PLB1: variants seen among roughly 807,000 people sequenced by gnomAD.
The protein encoded by PLB1 is phospholipase B1, membrane-associated.
In PLB1, 242 loss-of-function variants were observed where a neutral mutation model predicts 227.4. That is an observed-to-expected ratio of 1.06 (90% CI 0.96 to 1.18). PLB1 has a LOEUF of 1.18. PLB1 is among the 50% of genes most tolerant of loss of function. The probability of loss-of-function intolerance (pLI) is 0.00; values close to 1 mark genes in which losing one functional copy is unlikely to be tolerated. For missense variants in PLB1, 1,858 were observed against 1,816.3 expected (o/e 1.02, Z -0.42); for synonymous variants, 757 against 682.2 (o/e 1.11, Z -1.71).
At chr2:28,607,033 G>A (rs1281227592) in intron 43 of PLB1, among the ~76,000 whole-genome samples, 2 of 152,166 alleles carry the variant, frequency 1.3e-5, no homozygotes, top group African/African-American at 4.8e-5. Context: ...ACAGAGGACA[G>A]CAGCAAAGGG....
intron 9 of PLB1, among the ~76,000 whole-genome samples, chr2:28,533,411 T>C (rs1311103702): frequency 6.6e-6 from 1 of 152,198 alleles, no homozygotes; most frequent in East Asian, 1.9e-4. Flanking sequence ...ACAGCCCCCC[T>C]TTTTGGTCAT....
chr2:28,520,590 GAAATAACATCTCA>G (rs1553403071), intron 4 of PLB1, among the ~76,000 whole-genome samples: 4 of 152,172 alleles, frequency 2.6e-5, no homozygotes, highest in Non-Finnish European at 5.9e-5. Context: ...CTCTACCCAT[GAAATAACATCTCA>G]TTCTCCTCTT....
In PLB1 at chr2:28,620,983, G is replaced by C; in HGVS notation, c.3527+5G>C. 1 of 1,605,602 alleles carries C rather than the reference G, an allele frequency of 6.2e-7. No individual in the cohort carries two copies. The highest frequency in any genetic ancestry group is 8.5e-7 in the Non-Finnish European group (1 of 1,174,348). ...AGCGGAAGGGGCCAGAGCTAGGTGA[G>C]TAGATGCCGTACAGGAGGGCGAGTG... On this transcript the variant is annotated splice_donor_5th_base_variant and intron_variant, in intron 49 of 57. Coordinates refer to ENST00000327757, the MANE Select transcript of PLB1 (RefSeq NM_153021.5).
rs905101324 is a variant in PLB1, at chr2:28,601,811, G to A, written c.2608-88G>A. The A allele has an allele frequency of 5.2e-6, 6 of 1,158,152 alleles. No individual in the cohort carries two copies. The African/African-American group carries it at 9.2e-5, about 18-fold the overall frequency. 71.7% of individuals were successfully genotyped at this position (1,158,152 alleles called of 1,614,324 possible). On this transcript the variant is annotated intron_variant, in intron 37 of 57. Coordinates refer to ENST00000327757, the MANE Select transcript of PLB1 (RefSeq NM_153021.5). ...GCTAGAGGGGGAACAAGTCCTCAGG[G>A]CTGGAGCCAGAAGGGAAGTTGAGAA... is the stretch of plus-strand genomic sequence containing the variant.
chr2:28,581,821 T>G (rs910967656), intron 23 of PLB1, among the ~76,000 whole-genome samples: 3 of 151,874 alleles, frequency 2.0e-5, no homozygotes, highest in Non-Finnish European at 4.4e-5. Context: ...ATTAGCCAGG[T>G]GTGGTGGCAC....
At position 28,518,535 on chromosome 2, in the gene PLB1, A is replaced by T; in HGVS notation, c.184+3A>T. On this transcript the variant is annotated splice_donor_region_variant and intron_variant, in intron 3 of 57. Transcript: ENST00000327757. ...AGTGAATATGCCTTCTAAATCAGGT[A>T]TGTAACCCTTGGCCATGAGCAGGAA... is the stretch of plus-strand genomic sequence containing the variant. 6.2e-7 allele frequency: 1 copy of T among 1,608,422 alleles called. No individual in the cohort carries two copies. The highest frequency in any genetic ancestry group is 8.5e-7 in the Non-Finnish European group (1 of 1,174,812).
rs900311454 is a variant in PLB1, at chr2:28,603,988, A to C, written c.2797A>C (p.Thr933Pro). 14 of 1,613,948 alleles carry C rather than the reference A, an allele frequency of 8.7e-6. No homozygotes were observed. The highest frequency in any genetic ancestry group is 1.3e-5 in the African/African-American group (1 of 74,864). ...CAGCGTTTTGTGTAACTGCGTTCTG[A>C]CCCTGCGGGAGAACTCCCAAGAGCT... The part of the protein sequence containing the change: ...QASVLCNCVL[T>P]LRENSQELAR... Residue 933 changes from threonine (T) to proline (P), a missense_variant, in exon 40 of 58, where the codon ACC (threonine) becomes CCC (proline). Coordinates refer to ENST00000327757, the MANE Select transcript of PLB1 (RefSeq NM_153021.5).
Position 28,641,152 on chromosome 2 carries a change from C to A in PLB1, c.4173+151C>A, listed in dbSNP as rs1005301092. On this transcript the variant is annotated intron_variant, in intron 57 of 57. Transcript: ENST00000327757. The stretch of plus-strand genomic sequence containing the variant: ...TCTCAAATCCCACCTGTCCCCAGTG[C>A]CACGGAAACTTCTCAGTGTGTGGGC... 5 of 726,220 alleles carry A rather than the reference C, an allele frequency of 6.9e-6. No individual in the cohort carries two copies. The Admixed American group carries it at 1.6e-4, about 23-fold the overall frequency. 45.0% of individuals were successfully genotyped at this position (726,220 alleles called of 1,614,324 possible).
chr2:28,592,653 C>A lies in PLB1; in HGVS notation c.2189-8C>A. The A allele has an allele frequency of 6.2e-7, 1 of 1,614,170 alleles. No homozygotes were observed. Among genetic ancestry groups the A allele is most frequent in the Non-Finnish European group, 8.5e-7 (1 of 1,180,006 alleles). On this transcript the variant is annotated splice_region_variant and splice_polypyrimidine_tract_variant and intron_variant, in intron 31 of 57. Transcript: ENST00000327757. ...TGCAGCCCTAAGTGTGTCCACTTGT[C>A]TTTCCAGTGCATGCCCTGAGACCTG...
At chr2:28,590,143 G>GCCCTCA in intron 29 of PLB1, 67 bp downstream of exon 29, 1 of 1,368,552 alleles carries the variant, frequency 7.3e-7, no homozygotes, top group East Asian at 2.3e-5. Context: ...TTCATCCTAG[G>GCCCTCA]CCCTCACCCT....
rs1690183230 is a variant in PLB1 at position 28,643,467 on chromosome 2, G to C, written c.*406G>C. On this transcript the variant is annotated 3_prime_UTR_variant, in exon 58 of 58. Transcript: ENST00000327757. ...AAGGCAGAAAAAATGCTGGTCACCAGGTGGTGGCTGGAATTTTGGAGCTGG... is the reference window on the plus strand; with the variant it reads ...AAGGCAGAAAAAATGCTGGTCACCACGTGGTGGCTGGAATTTTGGAGCTGG... The C allele has an allele frequency of 5.9e-6, 1 of 168,278 alleles. No individual in the cohort carries two copies. The highest frequency in any genetic ancestry group is 1.8e-4 in the South Asian group (1 of 5,598). 10.4% of individuals were successfully genotyped at this position (168,278 alleles called of 1,614,324 possible).
intron 18 of PLB1, among the ~76,000 whole-genome samples, chr2:28,564,176 A>G (rs1056553737): frequency 6.6e-6 from 1 of 152,228 alleles, no homozygotes; most frequent in African/African-American, 2.4e-5. Flanking sequence ...CAGGATTTCG[A>G]GGCTGCAATG....
At chr2:28,641,579 G>T (rs1467311666) in intron 57 of PLB1, among the ~76,000 whole-genome samples, 1 of 152,194 alleles carries the variant, frequency 6.6e-6, no homozygotes, top group East Asian at 1.9e-4. Context: ...CTGCACTCCA[G>T]ACTGAGTGAC....
At chr2:28,615,286 C>G (rs1686033471) in intron 44 of PLB1, among the ~76,000 whole-genome samples, 1 of 152,082 alleles carries the variant, frequency 6.6e-6, no homozygotes, top group Non-Finnish European at 1.5e-5. Context: ...GGAGCCAGAT[C>G]ACACAAAGCC....
chr2:28,512,595 T>A (rs565014928), intron 1 of PLB1, among the ~76,000 whole-genome samples: 1 of 151,992 alleles, frequency 6.6e-6, no homozygotes, highest in East Asian at 1.9e-4. Context: ...ATTTGTTTTT[T>A]AATAACTTGC....
intron 17 of PLB1, among the ~76,000 whole-genome samples, chr2:28,554,899 A>G (rs1188829158): frequency 2.0e-5 from 3 of 152,072 alleles, no homozygotes; most frequent in East Asian, 1.9e-4. Flanking sequence ...TCAAGGCCTT[A>G]AAATCTGAGA....
chr2:28,496,348 T>C (rs531016218), intron 1 of PLB1, among the ~76,000 whole-genome samples, 179 bp downstream of exon 1: 3 of 152,280 alleles, frequency 2.0e-5, no homozygotes, highest in Non-Finnish European at 2.9e-5. Flanking sequence ...AGAGGCTGCC[T>C]ACACAGGGTT....
intron 6 of PLB1, among the ~76,000 whole-genome samples, chr2:28,526,206 G>A (rs1183192776): frequency 2.0e-5 from 3 of 152,124 alleles, no homozygotes; most frequent in Non-Finnish European, 4.4e-5. Context: ...GGGGAACCTA[G>A]GAGAGGGCTT....
In PLB1 at chr2:28,592,085, G is replaced by A. The variant is rs181440043; in HGVS notation, c.2188+325G>A. Among the ~76,000 whole-genome samples, 748 of 152,292 alleles carry A rather than the reference G, an allele frequency of 4.9e-3. 4 individuals are homozygous for A. The highest frequency in any genetic ancestry group is 0.017 in the African/African-American group (703 of 41,562). ...GGGCCCCAGTCCCAAGAGGAAGCTG[G>A]CTCTGTGGCCCTAGGCTCTGCAATC... On this transcript the variant is annotated intron_variant, in intron 31 of 57. Transcript: ENST00000327757.
Sources: gnomAD v4.1 joint callset for allele counts (sites outside exome capture counted in the v4.1 genomes callset) on GRCh38, gnomAD v4.1.1 for gene constraint, MANE v1.5 for transcripts, NCBI Gene and HGNC (gene_info 2026-07-23, HGNC 2026-07-21) for gene names.